PKIG: variants seen among roughly 807,000 people sequenced by gnomAD.
PKIG encodes protein kinase (cAMP-dependent, catalytic) inhibitor gamma.
Under a neutral mutation model 6.8 loss-of-function variants are expected in PKIG, and 1 was observed. The observed-to-expected ratio is 0.15, with a 90% CI of 0.05 to 0.69. The LOEUF is 0.69. Ranked by LOEUF, PKIG falls within the 30% of genes least tolerant of loss-of-function variation. The probability of loss-of-function intolerance (pLI) is 0.82; values close to 1 mark genes in which losing one functional copy is unlikely to be tolerated. For missense variants in PKIG, 77 were observed against 104.0 expected, an observed-to-expected ratio of 0.74 and a Z score of 1.13; for synonymous variants, 39 against 43.0, an observed-to-expected ratio of 0.91 and a Z score of 0.36.
At chr20:44,538,532 C>T (rs1247357148) in intron 1 of PKIG, among the ~76,000 whole-genome samples, 2 of 152,116 alleles carry the variant, frequency 1.3e-5, no homozygotes, top group African/African-American at 2.4e-5. Flanking sequence ...AACATATGGT[C>T]ACTTTTATTT....
chr20:44,613,089 T>C (rs1397114238), intron 2 of PKIG, among the ~76,000 whole-genome samples: 1 of 152,238 alleles, frequency 6.6e-6, no homozygotes, highest in Admixed American at 6.5e-5. Context: ...TATGTGGCAC[T>C]CTTCTCTCCT....
chr20:44,553,623 A>T (rs1227167684), intron 1 of PKIG, among the ~76,000 whole-genome samples: 1 of 152,162 alleles, frequency 6.6e-6, no homozygotes. Flanking sequence ...ACATTTACTG[A>T]TCATCTGTGA....
At chr20:44,586,991 A>G (rs2064995172) in intron 1 of PKIG, among the ~76,000 whole-genome samples, 1 of 152,236 alleles carries the variant, frequency 6.6e-6, no homozygotes, top group Non-Finnish European at 1.5e-5. Flanking sequence ...CATGGCACCG[A>G]AGAAAGTATT....
At chr20:44,549,051 GA>G (rs1473890109) in intron 1 of PKIG, among the ~76,000 whole-genome samples, 1 of 152,168 alleles carries the variant, frequency 6.6e-6, no homozygotes, top group Non-Finnish European at 1.5e-5. Flanking sequence ...ACCCAGATCA[GA>G]AAGTCAATGC....
chr20:44,604,027 T>TG (rs2065143908), intron 2 of PKIG, among the ~76,000 whole-genome samples: 1 of 104,120 alleles, frequency 9.6e-6, no homozygotes, highest in Non-Finnish European at 1.9e-5. Flanking sequence ...GAGGATGAAT[T>TG]GGGGGTGGGG....
chr20:44,609,127 T>C (rs746716320), intron 2 of PKIG, among the ~76,000 whole-genome samples: 8 of 152,222 alleles, frequency 5.3e-5, no homozygotes, highest in Non-Finnish European at 1.0e-4. Flanking sequence ...AACGATGTGT[T>C]TCTGCTTTCG....
intron 1 of PKIG, among the ~76,000 whole-genome samples, chr20:44,542,586 C>A (rs1408781457): frequency 2.7e-5 from 4 of 150,680 alleles, no homozygotes; most frequent in Admixed American, 2.6e-4. Flanking sequence ...TTTTTAATTT[C>A]TTTTATAATA....
chr20:44,587,384 CTG>C (rs2064998616), intron 1 of PKIG, among the ~76,000 whole-genome samples: 1 of 152,166 alleles, frequency 6.6e-6, no homozygotes, highest in Non-Finnish European at 1.5e-5. Context: ...CAACTGAGAG[CTG>C]CCCCTGCTGA....
intron 1 of PKIG, among the ~76,000 whole-genome samples, chr20:44,556,399 G>A (rs1187097836): frequency 3.9e-5 from 6 of 152,136 alleles, no homozygotes; most frequent in African/African-American, 1.4e-4. Flanking sequence ...GTCTGGTTCT[G>A]TCACCCAGGC....
chr20:44,586,943 G>T (rs1349331805), intron 1 of PKIG, among the ~76,000 whole-genome samples: 1 of 152,210 alleles, frequency 6.6e-6, no homozygotes, highest in East Asian at 1.9e-4. Context: ...GAAATTACAG[G>T]CTTTAGCTTG....
At chr20:44,540,567 T>TTTTTTG (rs1464767248) in intron 1 of PKIG, among the ~76,000 whole-genome samples, 1 of 152,030 alleles carries the variant, frequency 6.6e-6, no homozygotes, top group Non-Finnish European at 1.5e-5. Flanking sequence ...TGTTTTGTTT[T>TTTTTTG]TTTTTGTTTT....
At chr20:44,598,793 T>C (rs2065095813) in intron 2 of PKIG, 1 of 152,208 alleles carries the variant, frequency 6.6e-6, no homozygotes, top group African/African-American at 2.4e-5. Context: ...CAGACTTCCA[T>C]GGGTTGAAGA....
intron 1 of PKIG, among the ~76,000 whole-genome samples, chr20:44,559,052 A>G (rs1326711174): frequency 1.3e-5 from 2 of 152,260 alleles, no homozygotes; most frequent in South Asian, 2.1e-4. Context: ...TAAAGATTTC[A>G]GTTTATCTCA....
chr20:44,568,643 G>C (rs141577029), intron 1 of PKIG, among the ~76,000 whole-genome samples: 195 of 152,130 alleles, frequency 1.3e-3, no homozygotes, highest in Non-Finnish European at 2.0e-3. Context: ...TAGAGACGGC[G>C]TTTCACCATC....
intron 1 of PKIG, among the ~76,000 whole-genome samples, chr20:44,585,731 C>T (rs1260199555): frequency 1.3e-5 from 2 of 152,230 alleles, no homozygotes; most frequent in Non-Finnish European, 2.9e-5. Context: ...AATTTGAATG[C>T]CTTTAGGCAG....
In PKIG at chr20:44,537,218, C is replaced by T. The variant is rs1488447813; in HGVS notation, c.-241+5240C>T. Among the ~76,000 whole-genome samples, 11 of 152,214 alleles carry T rather than the reference C, an allele frequency of 7.2e-5. 1 individual carries two copies. The highest frequency in any genetic ancestry group is 1.3e-4 in the Non-Finnish European group (9 of 68,038). On this transcript the variant is annotated intron_variant, in intron 1 of 4. Transcript: ENST00000372887. The stretch of plus-strand genomic sequence containing the variant: ...CTCCTGGGTTCAAGCGATTCTCATG[C>T]CTCAGCCTCCTGAGTAGCTGGGATT...
intron 1 of PKIG, among the ~76,000 whole-genome samples, chr20:44,584,421 C>T (rs1181181438): frequency 6.7e-6 from 1 of 150,052 alleles, no homozygotes; most frequent in African/African-American, 2.5e-5. Context: ...CTATTTGCCC[C>T]TCTTTCATCA....
At chr20:44,610,880 T>G (rs2065212435) in intron 2 of PKIG, among the ~76,000 whole-genome samples, 1 of 152,172 alleles carries the variant, frequency 6.6e-6, no homozygotes, top group South Asian at 2.1e-4. Context: ...ATTATTTTTT[T>G]TTTACTGACA....
intron 2 of PKIG, among the ~76,000 whole-genome samples, chr20:44,610,528 A>ACACACACACACACACACACC (rs2065208714): frequency 1.3e-5 from 2 of 148,322 alleles, no homozygotes; most frequent in Non-Finnish European, 3.0e-5. Context: ...ACACACACAC[A>ACACACACACACACACACACC]CCTGCAGCAC....
Sources: allele counts gnomAD v4.1 joint callset (sites outside exome capture counted in the v4.1 genomes callset), GRCh38; gene constraint gnomAD v4.1.1; transcripts MANE v1.5; gene names NCBI Gene and HGNC (gene_info 2026-07-23, HGNC 2026-07-21).